Variants in NEGR1 observed in about 807,000 individuals in gnomAD.
NEGR1 encodes neuronal growth regulator 1.
A neutral mutation model predicts 40.9 loss-of-function variants in NEGR1; 10 were observed. That is an observed-to-expected ratio of 0.24 (90% CI 0.15 to 0.42). NEGR1 has a LOEUF of 0.42. NEGR1 is among the 10% of genes least tolerant of loss of function. NEGR1 has a pLI of 1.00. For missense variants in NEGR1, 352 were observed against 438.9 expected, an observed-to-expected ratio of 0.80 and a Z score of 1.77; for synonymous variants, 185 against 166.8, an observed-to-expected ratio of 1.11 and a Z score of -0.84.
intron 1 of NEGR1, among the ~76,000 whole-genome samples, chr1:72,012,784 A>G (rs1282054912): frequency 6.7e-6 from 1 of 150,150 alleles, no homozygotes; most frequent in Non-Finnish European, 1.5e-5. Context: ...TATTTTGTTA[A>G]CATTAGTAAT....
chr1:72,160,612 T>C (rs985533021), intron 1 of NEGR1, among the ~76,000 whole-genome samples: 3 of 152,170 alleles, frequency 2.0e-5, no homozygotes, highest in African/African-American at 7.2e-5. Context: ...TTTCCAATAC[T>C]ATATACATAG....
chr1:72,059,360 T>A (rs1339501176), intron 1 of NEGR1, among the ~76,000 whole-genome samples: 1 of 151,546 alleles, frequency 6.6e-6, no homozygotes, highest in Non-Finnish European at 1.5e-5. Flanking sequence ...AAAAATATCT[T>A]CTGTAGATAC....
intron 1 of NEGR1, among the ~76,000 whole-genome samples, chr1:72,143,963 T>A (rs1055363502): frequency 3.0e-4 from 41 of 135,828 alleles, no homozygotes; most frequent in Non-Finnish European, 5.5e-4. Context: ...TATTTTCAAC[T>A]GGGGAGAGAT....
At chr1:72,093,927 T>A (rs1351910638) in intron 1 of NEGR1, among the ~76,000 whole-genome samples, 4 of 152,208 alleles carry the variant, frequency 2.6e-5, no homozygotes. Flanking sequence ...TGTGATTAAT[T>A]CATTTTTTAA....
chr1:71,947,175 ATT>A (rs1646029861), intron 1 of NEGR1, among the ~76,000 whole-genome samples: 1 of 148,338 alleles, frequency 6.7e-6, no homozygotes, highest in Non-Finnish European at 1.5e-5. Flanking sequence ...GTTAATATAT[ATT>A]ATATATATAA....
At chr1:71,879,628 TC>T (rs1182735569) in intron 2 of NEGR1, among the ~76,000 whole-genome samples, 1 of 152,144 alleles carries the variant, frequency 6.6e-6, no homozygotes, top group Non-Finnish European at 1.5e-5. Context: ...AAGTTCTAGT[TC>T]ACCCATACAT....
At chr1:71,920,944 T>A (rs991957989) in intron 2 of NEGR1, among the ~76,000 whole-genome samples, 11 of 152,212 alleles carry the variant, frequency 7.2e-5, no homozygotes, top group Non-Finnish European at 1.3e-4. Flanking sequence ...TGTGTATTTG[T>A]AGCTCTAATA....
chr1:72,242,048 T>C (rs1473527223), intron 1 of NEGR1, among the ~76,000 whole-genome samples: 1 of 151,770 alleles, frequency 6.6e-6, no homozygotes, highest in East Asian at 1.9e-4. Flanking sequence ...TATGTGTTTT[T>C]CTAACACAAA....
chr1:71,655,531 T>C (rs1651848735), intron 4 of NEGR1, among the ~76,000 whole-genome samples: 1 of 152,184 alleles, frequency 6.6e-6, no homozygotes. Context: ...CTAGCATTAA[T>C]ATAAACAAAT....
At chr1:72,264,473 T>C (rs980693216) in intron 1 of NEGR1, among the ~76,000 whole-genome samples, 10 of 151,006 alleles carry the variant, frequency 6.6e-5, no homozygotes, top group Non-Finnish European at 1.3e-4. Flanking sequence ...AATGGGATTA[T>C]TTAGTCGCAT....
chr1:71,433,939 C>A (rs1247490661), intron 6 of NEGR1, among the ~76,000 whole-genome samples: 2 of 152,096 alleles, frequency 1.3e-5, no homozygotes, highest in Non-Finnish European at 2.9e-5. Flanking sequence ...CTTTTAAATA[C>A]CAATAATTGA....
Position 72,109,535 on chromosome 1 carries a change from A to T in NEGR1, c.176+172784T>A, listed in dbSNP as rs147792133. Among the ~76,000 whole-genome samples the T allele has an allele frequency of 5.6e-3, 853 of 151,810 alleles. 5 individuals carry two copies. The highest frequency in any genetic ancestry group is 0.02 in the African/African-American group (812 of 41,518). ...TGGTATCTTTTGAGACAAATGTTATAATAATTGTTCTCCTGCAGATCCTTT... is the reference window on the plus strand; with the variant it reads ...TGGTATCTTTTGAGACAAATGTTATTATAATTGTTCTCCTGCAGATCCTTT... On this transcript the variant is annotated intron_variant, in intron 1 of 6. Transcript: ENST00000357731.
intron 1 of NEGR1, among the ~76,000 whole-genome samples, chr1:72,277,521 A>ATTATC (rs111589182): frequency 0.097 from 14,813 of 152,076 alleles, 2,426 homozygotes; most frequent in African/African-American, 0.34. Flanking sequence ...AATTAAAAAC[A>ATTATC]TTATACTTTT....
chr1:71,758,834 T>A (rs1655834267), intron 3 of NEGR1, among the ~76,000 whole-genome samples: 1 of 152,160 alleles, frequency 6.6e-6, no homozygotes, highest in Non-Finnish European at 1.5e-5. Flanking sequence ...TCAATAAGGA[T>A]CCAAGAACAG....
intron 1 of NEGR1, among the ~76,000 whole-genome samples, chr1:72,152,497 C>T (rs1411748922): frequency 6.6e-6 from 1 of 151,842 alleles, no homozygotes; most frequent in Non-Finnish European, 1.5e-5. Context: ...GATAAAGCTG[C>T]ACAGAAAAAG....
At chr1:71,435,822 A>G (rs1646505603) in intron 6 of NEGR1, among the ~76,000 whole-genome samples, 1 of 152,214 alleles carries the variant, frequency 6.6e-6, no homozygotes, top group South Asian at 2.1e-4. Flanking sequence ...TACCTTGCCC[A>G]TAAGGAACTA....
intron 3 of NEGR1, among the ~76,000 whole-genome samples, chr1:71,757,107 G>A (rs1655772120): frequency 1.3e-5 from 2 of 151,958 alleles, no homozygotes; most frequent in South Asian, 4.1e-4. Flanking sequence ...GCATTTATGT[G>A]CAATAAATGT....
At chr1:72,048,601 C>A (rs1647025093) in intron 1 of NEGR1, among the ~76,000 whole-genome samples, 1 of 151,396 alleles carries the variant, frequency 6.6e-6, no homozygotes, top group Non-Finnish European at 1.5e-5. Context: ...TGGGTGGGGA[C>A]AGGAACAAGC....
chr1:72,031,950 C>T lies in NEGR1; in HGVS notation c.177-96639G>A, dbSNP rs1646862230. Among the ~76,000 whole-genome samples, 2 of 152,132 alleles carry T rather than the reference C, an allele frequency of 1.3e-5. 1 individual carries two copies. The highest frequency in any genetic ancestry group is 4.8e-5 in the African/African-American group (2 of 41,436). On this transcript the variant is annotated intron_variant, in intron 1 of 6. Transcript: ENST00000357731. ...TTTACATGCATTTTGAAAAAATAAT[C>T]TCCACAGCCTAGTGAGGCAAATATT...
Sources: gnomAD v4.1 joint callset for allele counts (sites outside exome capture counted in the v4.1 genomes callset) on GRCh38, gnomAD v4.1.1 for gene constraint, MANE v1.5 for transcripts, NCBI Gene and HGNC (gene_info 2026-07-23, HGNC 2026-07-21) for gene names.